LIN54: variants seen among roughly 807,000 people sequenced by gnomAD.
LIN54 encodes lin-54 DREAM MuvB core complex component.
A neutral mutation model predicts 78.7 loss-of-function variants in LIN54; 9 were observed. That is an observed-to-expected ratio of 0.11 (90% CI 0.07 to 0.20). The LOEUF (loss-of-function observed/expected upper bound fraction) is 0.20, where lower values mean the gene tolerates loss of function less well. Among genes scored for constraint, LIN54 ranks in the 10% least tolerant of loss-of-function variants. The probability of loss-of-function intolerance (pLI) is 1.00; values close to 1 mark genes in which losing one functional copy is unlikely to be tolerated. For synonymous variants in LIN54, 269 were observed against 318.4 expected (o/e 0.84, Z 1.65); for missense variants, 573 against 889.9 (o/e 0.64, Z 4.53).
chr4:82,993,490 T>C (rs1352666667), intron 1 of LIN54, among the ~76,000 whole-genome samples: 1 of 151,988 alleles, frequency 6.6e-6, no homozygotes, highest in Non-Finnish European at 1.5e-5. Context: ...AGTGCTGGGA[T>C]CACAGCGGTG....
intron 1 of LIN54, among the ~76,000 whole-genome samples, chr4:82,998,745 T>C (rs1057456257): frequency 1.3e-5 from 2 of 152,074 alleles, no homozygotes; most frequent in Non-Finnish European, 2.9e-5. Context: ...TTTTGGAAAT[T>C]TGTGGCAATT....
At chr4:82,979,387 G>A (rs890523090) in intron 2 of LIN54, among the ~76,000 whole-genome samples, 7 of 152,024 alleles carry the variant, frequency 4.6e-5, no homozygotes, top group East Asian at 1.9e-4. Context: ...AGTATAGTGC[G>A]AATGACAAAG....
At chr4:82,951,306 C>G (rs1723829552) in intron 4 of LIN54, among the ~76,000 whole-genome samples, 1 of 152,166 alleles carries the variant, frequency 6.6e-6, no homozygotes, top group East Asian at 1.9e-4. Flanking sequence ...ATAAGCCATT[C>G]ATTTGCTATT....
At chr4:82,963,337 C>T (rs1724954421) in intron 4 of LIN54, among the ~76,000 whole-genome samples, 1 of 151,986 alleles carries the variant, frequency 6.6e-6, no homozygotes, top group Admixed American at 6.6e-5. Context: ...TTAAAAGAAA[C>T]ATTTTAAAAA....
At chr4:82,961,016 C>T (rs914604634) in intron 4 of LIN54, among the ~76,000 whole-genome samples, 5 of 152,032 alleles carry the variant, frequency 3.3e-5, no homozygotes, top group South Asian at 2.1e-4. Context: ...GCCACGATCA[C>T]GCCACTGCAC....
At chr4:82,958,368 G>A (rs951503055) in intron 4 of LIN54, among the ~76,000 whole-genome samples, 1 of 152,172 alleles carries the variant, frequency 6.6e-6, no homozygotes. Flanking sequence ...CCATGCAACT[G>A]AGTTTTAGCT....
intron 5 of LIN54, among the ~76,000 whole-genome samples, chr4:82,940,274 T>C (rs1366606897): frequency 2.0e-5 from 3 of 152,358 alleles, no homozygotes; most frequent in African/African-American, 7.2e-5. Context: ...CTAAATCCAG[T>C]CAAATGAAAT....
intron 1 of LIN54, among the ~76,000 whole-genome samples, chr4:82,995,688 G>T (rs1449604883): frequency 1.3e-5 from 2 of 151,190 alleles, no homozygotes; most frequent in Non-Finnish European, 3.0e-5. Context: ...GTAAAGGCAG[G>T]GTTTTACCAT....
Position 82,946,313 on chromosome 4 carries a change from G to C in LIN54, c.1113C>G (p.Ser371Arg). 1.2e-6 allele frequency: 2 copies of C among 1,614,210 alleles called. No homozygotes were observed. Among genetic ancestry groups the C allele is most frequent in the African/African-American group, 1.3e-5 (1 of 75,066 alleles). The change falls in exon 5 of 13, where the codon AGC becomes AGG. Residue 371 changes from serine to arginine, a missense_variant. Physicochemically the swap from Ser to Arg is moderately radical, Grantham distance 110 (BLOSUM62 -1). Around this residue, in one of 6 missense-constraint regions of LIN54, gnomAD observed 199 missense variants for 260.9 expected, o/e 0.76. Coordinates refer to ENST00000340417, the MANE Select transcript of LIN54 (RefSeq NM_194282.4). Reference protein sequence around the residue: ...VRLVTATSASSSTQPVSQNPS... With the variant: ...VRLVTATSASRSTQPVSQNPS... ...GATTCTGACTAACTGGCTGGGTTGA[G>C]CTACTGGCTGATGTGGCAGTAACAA...
chr4:82,943,405 G>A (rs779556479), intron 5 of LIN54, among the ~76,000 whole-genome samples: 2 of 152,080 alleles, frequency 1.3e-5, no homozygotes, highest in Non-Finnish European at 1.5e-5. Context: ...TGCAACTTTC[G>A]GGGGAAAATG....
intron 7 of LIN54, among the ~76,000 whole-genome samples, chr4:82,939,291 C>G (rs1172773492): frequency 6.6e-6 from 1 of 152,236 alleles, no homozygotes; most frequent in East Asian, 1.9e-4. Context: ...TCGCCACAGG[C>G]TTGCGCTCCT....
intron 1 of LIN54, among the ~76,000 whole-genome samples, chr4:83,006,366 T>C (rs1324016917): frequency 1.3e-5 from 2 of 151,718 alleles, no homozygotes; most frequent in African/African-American, 2.4e-5. Flanking sequence ...GGAGAATCGC[T>C]TGGACCTGGC....
intron 4 of LIN54, among the ~76,000 whole-genome samples, chr4:82,948,388 G>C (rs1723581247): frequency 6.6e-6 from 1 of 152,100 alleles, no homozygotes; most frequent in African/African-American, 2.4e-5. Flanking sequence ...AGTTTGTTTA[G>C]TATACATTTT....
intron 4 of LIN54, among the ~76,000 whole-genome samples, chr4:82,957,923 T>C (rs1432418952): frequency 6.6e-6 from 1 of 152,216 alleles, no homozygotes; most frequent in East Asian, 1.9e-4. Context: ...ACTTGTTGTA[T>C]GGTTAAAGAA....
chr4:83,001,946 G>A (rs750367917), intron 1 of LIN54, among the ~76,000 whole-genome samples: 15,239 of 40,174 alleles, frequency 0.38, 7,486 homozygotes, highest in Non-Finnish European at 0.54. Flanking sequence ...AAGGAAGGAA[G>A]GAAGGAAGGA....
At chr4:82,988,755 C>T (rs1031125603) in intron 1 of LIN54, among the ~76,000 whole-genome samples, 4 of 152,138 alleles carry the variant, frequency 2.6e-5, no homozygotes, top group South Asian at 2.1e-4. Flanking sequence ...GCCATTCTAG[C>T]CTATGTGAAG....
intron 11 of LIN54, among the ~76,000 whole-genome samples, chr4:82,935,639 T>C (rs1722338758): frequency 6.6e-6 from 1 of 152,174 alleles, no homozygotes; most frequent in East Asian, 1.9e-4. Context: ...GCACCTCAGG[T>C]GAGAATCACT....
At chr4:82,940,056 TA>T in intron 5 of LIN54, 94 bp from the exon 6 acceptor site, 1 of 826,228 alleles carries the variant, frequency 1.2e-6, no homozygotes, top group Non-Finnish European at 1.9e-6. Context: ...GTTATTCTCA[TA>T]AAAGAGCTTA....
intron 4 of LIN54, among the ~76,000 whole-genome samples, chr4:82,967,438 A>C (rs1425796227): frequency 6.6e-6 from 1 of 152,144 alleles, no homozygotes; most frequent in African/African-American, 2.4e-5. Flanking sequence ...GGTAGGGCAA[A>C]GATTTAGAGG....
Sources: allele counts gnomAD v4.1 joint callset (sites outside exome capture counted in the v4.1 genomes callset), GRCh38; gene constraint gnomAD v4.1.1; regional missense constraint gnomAD v4.1.1; transcripts MANE v1.5; gene names NCBI Gene and HGNC (gene_info 2026-07-23, HGNC 2026-07-21).